The following MYO3A variants were observed in gnomAD, a reference collection of about 807,000 sequenced individuals.
MYO3A encodes myosin-IIIa.
In MYO3A, 180 loss-of-function variants were observed where a neutral mutation model predicts 192.7. That is an observed-to-expected ratio of 0.93 (90% CI 0.83 to 1.06). The LOEUF (loss-of-function observed/expected upper bound fraction) is 1.06. MYO3A is among the 50% of genes least tolerant of loss of function. MYO3A has a pLI of 0.00. For missense variants in MYO3A, 1,896 were observed against 1,905.0 expected (o/e 1.00, Z 0.09); for synonymous variants, 628 against 645.3 (o/e 0.97, Z 0.41).
chr10:26,022,847 C>T (rs544904244), intron 8 of MYO3A: 5 of 152,294 alleles, frequency 3.3e-5, no homozygotes, highest in African/African-American at 1.2e-4. Context: ...ACCTAGGTAA[C>T]AGGCAATGTG....
intron 2 of MYO3A, among the ~76,000 whole-genome samples, chr10:25,949,401 T>C (rs570404318): frequency 6.6e-6 from 1 of 152,274 alleles, no homozygotes; most frequent in African/African-American, 2.4e-5. Flanking sequence ...AACTCCTATT[T>C]CAGACCTTTA....
intron 6 of MYO3A, among the ~76,000 whole-genome samples, chr10:26,011,153 G>C (rs886301144): frequency 1.3e-5 from 2 of 152,168 alleles, no homozygotes; most frequent in Admixed American, 6.5e-5. Flanking sequence ...TCCTGGCCCA[G>C]GGTAGTGGCT....
intron 4 of MYO3A, among the ~76,000 whole-genome samples, chr10:25,979,373 A>C (rs1332902996): frequency 6.6e-6 from 1 of 151,184 alleles, no homozygotes. Flanking sequence ...GGGTCACAAA[A>C]TATTATCTTA....
At chr10:26,170,364 A>C in intron 28 of MYO3A, 52 bp from the exon 29 acceptor site, 1 of 1,591,264 alleles carries the variant, frequency 6.3e-7, no homozygotes, top group South Asian at 1.1e-5. Context: ...TTTAAAGTAA[A>C]TTTCTTTTAT....
chr10:25,981,347 A>G (rs1418979471), intron 4 of MYO3A, among the ~76,000 whole-genome samples: 1 of 152,194 alleles, frequency 6.6e-6, no homozygotes, highest in Non-Finnish European at 1.5e-5. Context: ...ACTGAAAACT[A>G]TAACGTTCCT....
intron 2 of MYO3A, among the ~76,000 whole-genome samples, chr10:25,944,610 ACTTC>A (rs1437266971): frequency 6.6e-6 from 1 of 151,916 alleles, no homozygotes; most frequent in Non-Finnish European, 1.5e-5. Flanking sequence ...CAGATTTTCT[ACTTC>A]ATCATGATTC....
chr10:26,177,449 T>C (rs989073662), intron 31 of MYO3A, among the ~76,000 whole-genome samples: 4 of 152,156 alleles, frequency 2.6e-5, no homozygotes, highest in Non-Finnish European at 4.4e-5. Context: ...GTTGGGACAC[T>C]CATGGCTCCA....
At chr10:26,038,774 C>T (rs1843169189) in intron 10 of MYO3A, among the ~76,000 whole-genome samples, 1 of 152,104 alleles carries the variant, frequency 6.6e-6, no homozygotes, top group Non-Finnish European at 1.5e-5. Flanking sequence ...AGAGGAAAGG[C>T]TTTAAATTTT....
intron 4 of MYO3A, among the ~76,000 whole-genome samples, chr10:25,993,748 T>C (rs1018055377): frequency 2.0e-5 from 3 of 152,256 alleles, no homozygotes; most frequent in African/African-American, 4.8e-5. Flanking sequence ...ACTTCTTTAT[T>C]TCTGCCTTCA....
chr10:26,091,815 C>T (rs1317664338), intron 15 of MYO3A, among the ~76,000 whole-genome samples: 1 of 152,210 alleles, frequency 6.6e-6, no homozygotes, highest in East Asian at 1.9e-4. Flanking sequence ...AAGCCTCATC[C>T]TTCTGTCTGA....
chr10:25,982,772 T>TG (rs1588700165), intron 4 of MYO3A, among the ~76,000 whole-genome samples: 1 of 152,144 alleles, frequency 6.6e-6, no homozygotes, highest in Admixed American at 6.5e-5. Flanking sequence ...GAGCACCCTG[T>TG]GGGACAAAAA....
At position 26,037,498 on chromosome 10, in the gene MYO3A, C is replaced by A. The variant is rs565998720; in HGVS notation, c.953+10966C>A. On this transcript the variant is annotated intron_variant, in intron 10 of 34. Coordinates refer to ENST00000642920, the MANE Select transcript of MYO3A (RefSeq NM_017433.5). ...TTCTAAATTTTTTAATAGATACTTC[C>A]AAATCTATTTTAATATATGGTGAGA... Among the ~76,000 whole-genome samples the A allele has an allele frequency of 6.6e-5, 10 of 152,222 alleles. No homozygotes were observed. In the South Asian group the frequency reaches 1.9e-3, roughly 28 times the overall value.
At chr10:26,160,609 C>T (rs1009076534) in intron 26 of MYO3A, among the ~76,000 whole-genome samples, 4 of 151,988 alleles carry the variant, frequency 2.6e-5, no homozygotes, top group African/African-American at 9.7e-5. Context: ...CATACCACTG[C>T]ACTCCAGCCT....
At chr10:26,062,323 A>G (rs1380529211) in intron 10 of MYO3A, among the ~76,000 whole-genome samples, 1 of 151,608 alleles carries the variant, frequency 6.6e-6, no homozygotes, top group East Asian at 1.9e-4. Flanking sequence ...GATTGAGACC[A>G]TCCTGGCTAA....
chr10:26,021,542 G>A lies in MYO3A; in HGVS notation c.625G>A (p.Ala209Thr), dbSNP rs777926817. The change falls in exon 8 of 35, where the codon GCC (alanine) becomes ACC (threonine). Residue 209 changes from alanine to threonine, a missense_variant. Transcript: ENST00000642920. The stretch of plus-strand genomic sequence containing the variant: ...ACAGCAATTGGATACCACTTATGAC[G>A]CCAGATGTGACACTTGGTCCCTGGG... ...CEQQLDTTYD[A>T]RCDTWSLGIT... The A allele has an allele frequency of 1.5e-5, 25 of 1,613,956 alleles. No individual in the cohort carries two copies. Among genetic ancestry groups the A allele is most frequent in the African/African-American group, 2.7e-5 (2 of 74,908 alleles).
chr10:26,130,978 CCTAA>C (rs775149253), intron 20 of MYO3A, among the ~76,000 whole-genome samples: 13 of 152,158 alleles, frequency 8.5e-5, no homozygotes, highest in Non-Finnish European at 1.5e-4. Flanking sequence ...ACAGATTTGA[CCTAA>C]CTGAGAGCTC....
chr10:26,001,139 A>G (rs771780214), intron 6 of MYO3A, among the ~76,000 whole-genome samples: 1 of 152,022 alleles, frequency 6.6e-6, no homozygotes, highest in Non-Finnish European at 1.5e-5. Flanking sequence ...CACAGAACCA[A>G]ATGATGTCAC....
intron 4 of MYO3A, among the ~76,000 whole-genome samples, chr10:25,962,354 A>T (rs1837985302): frequency 6.6e-6 from 1 of 152,156 alleles, no homozygotes; most frequent in South Asian, 2.1e-4. Flanking sequence ...TTGAGAATCT[A>T]AATGGTACCT....
intron 4 of MYO3A, among the ~76,000 whole-genome samples, chr10:25,974,248 T>C (rs927918818): frequency 6.6e-6 from 1 of 152,156 alleles, no homozygotes; most frequent in Non-Finnish European, 1.5e-5. Context: ...TTTACATATG[T>C]AACAAACCTG....
Sources: allele counts gnomAD v4.1 joint callset (sites outside exome capture counted in the v4.1 genomes callset), GRCh38; gene constraint gnomAD v4.1.1; transcripts MANE v1.5; gene names NCBI Gene and HGNC (gene_info 2026-07-23, HGNC 2026-07-21).